The following GALNT13 variants were observed in gnomAD, a reference collection of about 807,000 sequenced individuals.
GALNT13 encodes polypeptide N-acetylgalactosaminyltransferase 13, also known as UDP-GalNAc:polypeptide N-acetylgalactosaminyltransferase 13.
In GALNT13, 28 loss-of-function variants were observed where a neutral mutation model predicts 64.2. The ratio of observed to expected loss-of-function variants is 0.44; its 90% CI spans 0.32 to 0.60. The LOEUF (loss-of-function observed/expected upper bound fraction) is 0.60, where lower values mean the gene tolerates loss of function less well. Among genes scored for constraint, GALNT13 ranks in the 20% least tolerant of loss-of-function variants. GALNT13 has a pLI of 0.05. For synonymous variants in GALNT13, 214 were observed against 224.6 expected, an observed-to-expected ratio of 0.95 and a Z score of 0.42; for missense variants, 577 against 669.8, an observed-to-expected ratio of 0.86 and a Z score of 1.53.
At chr2:153,496,993 CAAAAAAAAAAAAA>C in the GALNT13 span, among the ~76,000 whole-genome samples, 1 of 90,894 alleles carries the variant, frequency 1.1e-5, no homozygotes, top group Non-Finnish European at 2.3e-5. Context: ...GATTTTGTCT[CAAAAAAAAAAAAA>C]AAAAAAAGAA....
At chr2:153,799,355 C>T in the GALNT13 span, among the ~76,000 whole-genome samples, 33 of 152,250 alleles carry the variant, frequency 2.2e-4, no homozygotes, top group East Asian at 6.4e-3. Context: ...CCCTGTGTAC[C>T]TTCCCCAGCC....
At chr2:153,872,569 C>T (rs572425827) in intron 1 of GALNT13, among the ~76,000 whole-genome samples, 4 of 150,440 alleles carry the variant, frequency 2.7e-5, no homozygotes, top group African/African-American at 7.3e-5. Context: ...TTTCTGCCGC[C>T]GCCCACCTTC....
the GALNT13 span, among the ~76,000 whole-genome samples, chr2:153,181,219 TCA>T: frequency 6.8e-6 from 1 of 147,426 alleles, no homozygotes; most frequent in Non-Finnish European, 1.5e-5. Context: ...TTCATTTGTC[TCA>T]AGATATTTTT....
At chr2:153,525,784 A>G in the GALNT13 span, among the ~76,000 whole-genome samples, 22 of 152,248 alleles carry the variant, frequency 1.4e-4, no homozygotes, top group African/African-American at 5.3e-4. Context: ...CTTAGATGGC[A>G]TTTCTGGACC....
chr2:153,271,365 A>G, the GALNT13 span, among the ~76,000 whole-genome samples: 1 of 152,202 alleles, frequency 6.6e-6, no homozygotes, highest in Non-Finnish European at 1.5e-5. Context: ...GTATATTTAG[A>G]AAACCCCATC....
the GALNT13 span, among the ~76,000 whole-genome samples, chr2:153,209,958 T>C: frequency 6.6e-6 from 1 of 152,278 alleles, no homozygotes; most frequent in East Asian, 1.9e-4. Flanking sequence ...CTTTAGTTTC[T>C]AATTATTTGT....
chr2:153,248,826 A>AAG, the GALNT13 span, among the ~76,000 whole-genome samples: 2 of 44,546 alleles, frequency 4.5e-5, no homozygotes, highest in African/African-American at 1.7e-4. Flanking sequence ...GAAAAAAAAA[A>AAG]AAGAAAAAAA....
chr2:154,150,510 GTTC>G (rs1240836602), intron 4 of GALNT13, among the ~76,000 whole-genome samples: 17 of 149,274 alleles, frequency 1.1e-4, no homozygotes, highest in South Asian at 2.1e-4. Context: ...AATGGTACCA[GTTC>G]CTCCTTGTAC....
At chr2:153,241,004 A>G in the GALNT13 span, among the ~76,000 whole-genome samples, 252 of 152,216 alleles carry the variant, frequency 1.7e-3, 4 homozygotes, top group African/African-American at 5.8e-3. Flanking sequence ...TTTCCAGACA[A>G]AGAACAGGAG....
chr2:154,078,172 T>G (rs1314656169), intron 3 of GALNT13, among the ~76,000 whole-genome samples: 2 of 151,494 alleles, frequency 1.3e-5, no homozygotes, highest in Non-Finnish European at 3.0e-5. Context: ...AGGGTATATT[T>G]TAACTTATTG....
the GALNT13 span, among the ~76,000 whole-genome samples, chr2:153,723,224 G>A: frequency 3.5e-5 from 5 of 144,746 alleles, no homozygotes; most frequent in Non-Finnish European, 6.0e-5. Context: ...CTCAATAGAT[G>A]CAGAAAAAGC....
the GALNT13 span, among the ~76,000 whole-genome samples, chr2:153,576,325 C>T: frequency 6.6e-6 from 1 of 152,148 alleles, no homozygotes; most frequent in Non-Finnish European, 1.5e-5. Flanking sequence ...AACACTAGGA[C>T]TCACCTAAGA....
chr2:154,122,827 A>G (rs375987540), intron 3 of GALNT13, among the ~76,000 whole-genome samples: 65 of 152,008 alleles, frequency 4.3e-4, no homozygotes, highest in African/African-American at 1.5e-3. Flanking sequence ...TACAGATCTA[A>G]GTAGTGCAAG....
chr2:154,082,902 G>A (rs549948456), intron 3 of GALNT13, among the ~76,000 whole-genome samples: 1 of 152,112 alleles, frequency 6.6e-6, no homozygotes, highest in South Asian at 2.1e-4. Flanking sequence ...CTGTGCAGAA[G>A]CTCTTTAGTT....
the GALNT13 span, among the ~76,000 whole-genome samples, chr2:153,784,352 G>A: frequency 1.3e-5 from 2 of 152,312 alleles, no homozygotes; most frequent in Admixed American, 1.3e-4. Flanking sequence ...AGAGATCTGT[G>A]GAACTTTGAA....
At chr2:153,892,215 A>C (rs1345504506) in intron 1 of GALNT13, among the ~76,000 whole-genome samples, 1 of 152,094 alleles carries the variant, frequency 6.6e-6, no homozygotes. Flanking sequence ...ACCAAAGTCC[A>C]TAATACAACC....
chr2:154,318,180 C>T (rs1694425248), intron 9 of GALNT13, among the ~76,000 whole-genome samples: 1 of 151,328 alleles, frequency 6.6e-6, no homozygotes, highest in South Asian at 2.1e-4. Flanking sequence ...ATTGATTATC[C>T]CTGGCTTTAT....
chr2:153,708,066 G>T, the GALNT13 span, among the ~76,000 whole-genome samples: 6 of 152,138 alleles, frequency 3.9e-5, no homozygotes, highest in Admixed American at 2.6e-4. Flanking sequence ...CTACCCACAA[G>T]TCTTCCCTCA....
At chr2:153,072,261 A>G in the GALNT13 span, among the ~76,000 whole-genome samples, 1 of 152,128 alleles carries the variant, frequency 6.6e-6, no homozygotes, top group Non-Finnish European at 1.5e-5. Flanking sequence ...ACCTACCGCT[A>G]AGCAGTGTGG....
Sources: gnomAD v4.1 joint callset for allele counts (sites outside exome capture counted in the v4.1 genomes callset) on GRCh38, gnomAD v4.1.1 for gene constraint, MANE v1.5 for transcripts, NCBI Gene and HGNC (gene_info 2026-07-23, HGNC 2026-07-21) for gene names.